The following KALRN variants were observed in gnomAD, a reference collection of about 807,000 sequenced individuals.
KALRN encodes kalirin RhoGEF kinase.
Under a neutral mutation model 353.7 loss-of-function variants are expected in KALRN, and 70 were observed. The observed-to-expected ratio is 0.20, with a 90% CI of 0.16 to 0.24. KALRN has a LOEUF of 0.24. KALRN is among the 10% of genes least tolerant of loss of function. The probability of loss-of-function intolerance (pLI) is 1.00; values close to 1 mark genes in which losing one functional copy is unlikely to be tolerated. For missense variants in KALRN, 2,791 were observed against 3,756.7 expected, an observed-to-expected ratio of 0.74 and a Z score of 6.72; for synonymous variants, 1,391 against 1,434.8, an observed-to-expected ratio of 0.97 and a Z score of 0.69.
intron 5 of KALRN, among the ~76,000 whole-genome samples, chr3:124,281,381 G>T (rs1223097593): frequency 6.6e-6 from 1 of 152,174 alleles, no homozygotes; most frequent in Non-Finnish European, 1.5e-5. Flanking sequence ...CCCTGGGGAG[G>T]TGACCTTGTC....
At chr3:124,345,203 A>G (rs1427830090) in intron 9 of KALRN, among the ~76,000 whole-genome samples, 1 of 152,258 alleles carries the variant, frequency 6.6e-6, no homozygotes, top group Admixed American at 6.5e-5. Context: ...AAAAATTATC[A>G]TCAAACCTCA....
At chr3:124,048,538 G>A (rs977255975) in intron 1 of KALRN, among the ~76,000 whole-genome samples, 7 of 151,650 alleles carry the variant, frequency 4.6e-5, no homozygotes, top group African/African-American at 1.7e-4. Context: ...CTGGAGTGCA[G>A]TGGTGCGATC....
chr3:124,139,894 C>G (rs536290056), intron 1 of KALRN, among the ~76,000 whole-genome samples: 1 of 152,274 alleles, frequency 6.6e-6, no homozygotes, highest in South Asian at 2.1e-4. Context: ...ACCTTGATCT[C>G]TCTAACTCTG....
intron 37 of KALRN, among the ~76,000 whole-genome samples, chr3:124,642,806 G>GTTGTTTTGTTGTTGTTGTTTTTTTTTT (rs796628603): frequency 1.0e-5 from 1 of 96,840 alleles, no homozygotes; most frequent in Non-Finnish European, 1.9e-5. Flanking sequence ...CCCAAGCCTC[G>GTTGTTTTGTTGTTGTTGTTTTTTTTTT]TTTTTTTTTT....
intron 1 of KALRN, among the ~76,000 whole-genome samples, chr3:124,181,493 G>A (rs528643490): frequency 6.6e-6 from 1 of 152,192 alleles, no homozygotes. Flanking sequence ...GCTTTTAAAG[G>A]CTTTAAAAGT....
chr3:124,705,508 C>G (rs981771736), intron 57 of KALRN, among the ~76,000 whole-genome samples: 1 of 152,018 alleles, frequency 6.6e-6, no homozygotes, highest in Non-Finnish European at 1.5e-5. Context: ...AGCAGAATTA[C>G]CCAAAAGCTC....
intron 1 of KALRN, among the ~76,000 whole-genome samples, chr3:124,151,134 C>T (rs555402307): frequency 2.1e-4 from 32 of 152,162 alleles, no homozygotes; most frequent in African/African-American, 6.5e-4. Context: ...TGAATAAAGC[C>T]GCTATGGATA....
At position 124,576,801 on chromosome 3, in the gene KALRN, C is replaced by T. The variant is rs140292083; in HGVS notation, c.5182+13712C>T. ...AGGTGGCGTTGGCAGAATTAAAATGCCATCCCACATAGTGGACACTTAGCA... is the reference window on the plus strand; with the variant it reads ...AGGTGGCGTTGGCAGAATTAAAATGTCATCCCACATAGTGGACACTTAGCA... On this transcript the variant is annotated intron_variant, in intron 34 of 59. Transcript: ENST00000682506. Among the ~76,000 whole-genome samples the T allele has an allele frequency of 1.4e-4, 21 of 152,284 alleles. No homozygotes were observed. In the East Asian group the frequency reaches 4.0e-3, roughly 29 times the overall value.
At chr3:124,167,628 A>G (rs779772256) in intron 1 of KALRN, among the ~76,000 whole-genome samples, 8 of 152,228 alleles carry the variant, frequency 5.3e-5, no homozygotes, top group Admixed American at 4.6e-4. Context: ...TTCAGCACAG[A>G]TAACAGGTAT....
chr3:124,145,511 T>C (rs2067220716), intron 1 of KALRN, among the ~76,000 whole-genome samples: 1 of 152,206 alleles, frequency 6.6e-6, no homozygotes, highest in African/African-American at 2.4e-5. Flanking sequence ...TGAGGCTTCT[T>C]CCTGTGGCAG....
intron 47 of KALRN, among the ~76,000 whole-genome samples, chr3:124,667,424 G>A (rs899240671): frequency 1.3e-5 from 2 of 152,208 alleles, no homozygotes; most frequent in African/African-American, 4.8e-5. Flanking sequence ...ATAGGACACA[G>A]GATATATGTC....
At chr3:124,566,393 T>C (rs1234435625) in intron 34 of KALRN, among the ~76,000 whole-genome samples, 1 of 151,878 alleles carries the variant, frequency 6.6e-6, no homozygotes, top group Non-Finnish European at 1.5e-5. Context: ...TAGTCCCAGC[T>C]ACTCAGGAGG....
intron 33 of KALRN, among the ~76,000 whole-genome samples, chr3:124,517,167 G>A (rs79857762): frequency 0.1 from 15,852 of 152,212 alleles, 990 homozygotes; most frequent in Non-Finnish European, 0.14. Flanking sequence ...GGCTCAGTGA[G>A]TTCACCAGTC....
chr3:124,640,071 C>T (rs960122771), intron 37 of KALRN, among the ~76,000 whole-genome samples: 23 of 152,144 alleles, frequency 1.5e-4, no homozygotes, highest in African/African-American at 5.3e-4. Context: ...TCAGTTCTTC[C>T]GCTTAGAAGA....
At chr3:124,446,611 T>TAA in intron 20 of KALRN, 152 bp from the exon 21 acceptor site, 13 of 921,290 alleles carry the variant, frequency 1.4e-5, no homozygotes, top group East Asian at 9.9e-5. Flanking sequence ...GGCTCATTCA[T>TAA]AAAAAAAAAC....
intron 57 of KALRN, among the ~76,000 whole-genome samples, chr3:124,706,344 GCT>G (rs1018221982): frequency 5.3e-5 from 8 of 152,228 alleles, no homozygotes; most frequent in African/African-American, 1.9e-4. Flanking sequence ...CAGAACCCCA[GCT>G]CTCTTATCCA....
intron 55 of KALRN, among the ~76,000 whole-genome samples, chr3:124,698,255 C>T (rs761301118): frequency 1.3e-5 from 2 of 152,354 alleles, no homozygotes; most frequent in Non-Finnish European, 2.9e-5. Flanking sequence ...GGATTACAGG[C>T]GTAAGCCACC....
intron 10 of KALRN, among the ~76,000 whole-genome samples, chr3:124,360,039 TG>T (rs2083848685): frequency 6.6e-6 from 1 of 152,192 alleles, no homozygotes; most frequent in Admixed American, 6.5e-5. Context: ...AATAGAGTAA[TG>T]GTATATCCTG....
chr3:124,237,974 A>G (rs989557896), intron 3 of KALRN, among the ~76,000 whole-genome samples: 1 of 152,210 alleles, frequency 6.6e-6, no homozygotes, highest in African/African-American at 2.4e-5. Flanking sequence ...TTGGGGGACC[A>G]TTTTAGAATA....
Sources: allele counts gnomAD v4.1 joint callset (sites outside exome capture counted in the v4.1 genomes callset), GRCh38; gene constraint gnomAD v4.1.1; transcripts MANE v1.5; gene names NCBI Gene and HGNC (gene_info 2026-07-23, HGNC 2026-07-21).